Variants in ADGRG6 observed in about 807,000 individuals in gnomAD.
ADGRG6 encodes adhesion G protein-coupled receptor G6.
Under a neutral mutation model 142.4 loss-of-function variants are expected in ADGRG6, and 84 were observed. That is an observed-to-expected ratio of 0.59 (90% confidence interval 0.49 to 0.71). The LOEUF (loss-of-function observed/expected upper bound fraction) is 0.71. Among genes scored for constraint, ADGRG6 ranks in the 30% least tolerant of loss-of-function variants. ADGRG6 has a pLI of 0.00. For missense variants in ADGRG6, 1,367 were observed against 1,466.6 expected (o/e 0.93, Z 1.11); for synonymous variants, 521 against 520.5 (o/e 1.00, Z -0.01).
intron 11 of ADGRG6, among the ~76,000 whole-genome samples, chr6:142,401,069 G>C (rs1471462049): frequency 6.6e-6 from 1 of 152,148 alleles, no homozygotes; most frequent in East Asian, 1.9e-4. Context: ...AAACCTCAGA[G>C]ACTAGATAAT....
rs75689256 is a variant in ADGRG6 at position 142,398,030 on chromosome 6, T to C, written c.1567+275T>C. Among the ~76,000 whole-genome samples the C allele has an allele frequency of 8.0e-3, 1,219 of 152,270 alleles. 20 individuals carry two copies. The highest frequency in any genetic ancestry group is 0.058 in the East Asian group (300 of 5,176). On this transcript the variant is annotated intron_variant, in intron 10 of 24. Coordinates refer to ENST00000367609, the MANE Select transcript of ADGRG6 (RefSeq NM_198569.3). ...CAATATGAACAAAATGCCAGAATAA[T>C]CTTGATCATCACTGTTGTCAACTTT... is the stretch of plus-strand genomic sequence containing the variant.
In ADGRG6 at chr6:142,367,699, C is replaced by A. The variant is rs1206242886; in HGVS notation, c.234C>A (p.Ile78=). The change falls in exon 3 of 25, where the codon ATC becomes ATA. Residue 78 remains isoleucine (I), a synonymous_variant. Transcript: ENST00000367609. Reference sequence around the variant, plus strand: ...CGCTCCGAGCCCCCACCGGTTATATCATTCAGATAACATTTAACGACTTTG... The same window carrying A: ...CGCTCCGAGCCCCCACCGGTTATATAATTCAGATAACATTTAACGACTTTG... ...MWTLRAPTGY[I]IQITFNDFDI... is the part of the protein sequence containing the mutation. 6.2e-7 allele frequency: 1 copy of A among 1,613,806 alleles called. No homozygotes were observed. The highest frequency in any genetic ancestry group is 1.7e-5 in the Admixed American group (1 of 60,006).
Position 142,390,334 on chromosome 6 carries a change from G to A in ADGRG6, c.1299G>A (p.Val433=). 1 of 1,583,894 alleles carries A rather than the reference G, an allele frequency of 6.3e-7. No individual in the cohort carries two copies. Among genetic ancestry groups the A allele is most frequent in the Non-Finnish European group, 8.6e-7 (1 of 1,156,552 alleles). ...CTGAGGTAAAAGTACAGAGCAAGGT[G>A]GCAGAATGGGTAAGTGAGCTTGTAA... ...RHPEVKVQSK[V]AEWLNSTFQN... Residue 433 remains valine, a synonymous_variant, in exon 7 of 25, where the codon GTG becomes GTA. Transcript: ENST00000367609.
chr6:142,367,337 AAATTTAAG>A (rs1234664322), intron 2 of ADGRG6, among the ~76,000 whole-genome samples: 1 of 152,146 alleles, frequency 6.6e-6, no homozygotes, highest in Non-Finnish European at 1.5e-5. Flanking sequence ...ATAACCTCCC[AAATTTAAG>A]AATCATTGCA....
intron 11 of ADGRG6, chr6:142,400,877 T>A (rs1333686206): frequency 1.1e-5 from 3 of 275,508 alleles, no homozygotes; most frequent in Non-Finnish European, 2.0e-5. Context: ...GTACCTTGTA[T>A]GTGGATGAAC....
intron 20 of ADGRG6, among the ~76,000 whole-genome samples, chr6:142,416,830 C>G (rs140563411): frequency 6.6e-6 from 1 of 152,252 alleles, no homozygotes; most frequent in African/African-American, 2.4e-5. Context: ...GACTTTATAG[C>G]CCCCTTGCTT....
chr6:142,338,413 T>C (rs1444511306), intron 2 of ADGRG6, among the ~76,000 whole-genome samples: 2 of 151,684 alleles, frequency 1.3e-5, no homozygotes, highest in Admixed American at 6.6e-5. Context: ...TCTAATTTTC[T>C]TTGGCTGTAG....
At chr6:142,349,884 G>A (rs1474388969) in intron 2 of ADGRG6, among the ~76,000 whole-genome samples, 3 of 152,128 alleles carry the variant, frequency 2.0e-5, no homozygotes, top group South Asian at 2.1e-4. Flanking sequence ...ATGGTGGAGG[G>A]TGGATTTTCT....
intron 21 of ADGRG6, among the ~76,000 whole-genome samples, chr6:142,417,601 T>C (rs1481647414): frequency 6.6e-6 from 1 of 152,154 alleles, no homozygotes; most frequent in Non-Finnish European, 1.5e-5. Flanking sequence ...AGAAAATGCC[T>C]AAGACAGTTT....
chr6:142,410,077 G>C (rs1200598319), intron 17 of ADGRG6, among the ~76,000 whole-genome samples, 158 bp downstream of exon 17: 1 of 152,044 alleles, frequency 6.6e-6, no homozygotes, highest in Non-Finnish European at 1.5e-5. Context: ...GGTAGCTTGG[G>C]AAGTCAGTTC....
At chr6:142,308,710 CT>C (rs1420088554) in intron 1 of ADGRG6, among the ~76,000 whole-genome samples, 2 of 151,260 alleles carry the variant, frequency 1.3e-5, no homozygotes, top group African/African-American at 2.4e-5. Flanking sequence ...ACTTATGGTC[CT>C]TTTTGATGAC....
intron 6 of ADGRG6, among the ~76,000 whole-genome samples, chr6:142,387,825 A>C (rs1446581964): frequency 6.6e-6 from 1 of 152,194 alleles, no homozygotes; most frequent in East Asian, 1.9e-4. Flanking sequence ...TTGAAGTTCT[A>C]CATGCTGAAA....
rs565872039 is a variant in ADGRG6, at chr6:142,442,058, G to C, written c.3575-1279G>C. On this transcript the variant is annotated intron_variant, in intron 24 of 24. Transcript: ENST00000367609. ...TTGAGCAATTTGAATAGTTTCCAAA[G>C]ACAACAGATATCATGATGATGATGG... 6.6e-5 allele frequency among the ~76,000 whole-genome samples: 10 copies of C among 152,256 alleles called. No individual in the cohort carries two copies. The South Asian group carries it at 2.1e-3, about 32-fold the overall frequency.
intron 6 of ADGRG6, among the ~76,000 whole-genome samples, chr6:142,384,889 G>A (rs1376768770): frequency 2.0e-5 from 3 of 151,922 alleles, no homozygotes; most frequent in Non-Finnish European, 2.9e-5. Context: ...TAAAGACATC[G>A]ATTCAGATAG....
chr6:142,349,616 G>A (rs1353506175), intron 2 of ADGRG6, among the ~76,000 whole-genome samples: 1 of 152,184 alleles, frequency 6.6e-6, no homozygotes, highest in Non-Finnish European at 1.5e-5. Context: ...GAGGGACCTG[G>A]CCAGTGCTCC....
chr6:142,336,169 A>G (rs895686801), intron 2 of ADGRG6, among the ~76,000 whole-genome samples: 6 of 152,280 alleles, frequency 3.9e-5, no homozygotes, highest in Middle Eastern at 3.4e-3. Context: ...GACTTCTCTC[A>G]AGGATAAAGG....
chr6:142,412,687 A>C (rs888458556), intron 18 of ADGRG6, among the ~76,000 whole-genome samples: 1 of 152,204 alleles, frequency 6.6e-6, no homozygotes, highest in Non-Finnish European at 1.5e-5. Flanking sequence ...GTTTTCCTTA[A>C]GTAATTATAA....
chr6:142,432,359 C>A (rs533882088), intron 22 of ADGRG6, among the ~76,000 whole-genome samples: 12 of 152,102 alleles, frequency 7.9e-5, no homozygotes, highest in African/African-American at 2.9e-4. Flanking sequence ...AGTAAAATAA[C>A]CTGTTATGAG....
rs1432882879 is a variant in ADGRG6, at chr6:142,394,028, A to G, written c.1424+70A>G. ...GCTCACTACTTTATCTGGTAGAGAA[A>G]TGAAAACAATTAGATAGGAAAGAAA... On this transcript the variant is annotated intron_variant, in intron 9 of 24. Coordinates refer to ENST00000367609, the MANE Select transcript of ADGRG6 (RefSeq NM_198569.3). 24 of 984,658 alleles carry G rather than the reference A, an allele frequency of 2.4e-5. No homozygotes were observed. The South Asian group carries it at 3.3e-4, about 13-fold the overall frequency. The allele number at this position is 984,658 out of a possible 1,614,324, so 61.0% of individuals were successfully genotyped here. A position where few individuals can be genotyped will look rare whatever the true frequency, so the allele number is the denominator to read the frequency against.
Sources: gnomAD v4.1 joint callset for allele counts (sites outside exome capture counted in the v4.1 genomes callset) on GRCh38, gnomAD v4.1.1 for gene constraint, MANE v1.5 for transcripts, NCBI Gene and HGNC (gene_info 2026-07-23, HGNC 2026-07-21) for gene names.